Variants in ROR1 observed in about 807,000 individuals in gnomAD.
The protein encoded by ROR1 is inactive tyrosine-protein kinase transmembrane receptor ROR1.
A neutral mutation model predicts 78.8 loss-of-function variants in ROR1; 19 were observed. The observed-to-expected ratio is 0.24, with a 90% confidence interval of 0.17 to 0.35. The LOEUF is 0.35. ROR1 is among the 10% of genes least tolerant of loss of function. The pLI, the probability that ROR1 is intolerant of heterozygous loss-of-function variation, is 1.00. For synonymous variants in ROR1, 386 were observed against 433.6 expected (o/e 0.89, Z 1.36); for missense variants, 917 against 1,177.8 (o/e 0.78, Z 3.24).
chr1:64,115,487 G>A (rs1648284209), intron 4 of ROR1, among the ~76,000 whole-genome samples: 1 of 151,754 alleles, frequency 6.6e-6, no homozygotes, highest in Non-Finnish European at 1.5e-5. Context: ...TCCCACCCTA[G>A]CCTCCCAAAG....
At chr1:63,925,613 A>G (rs1284987450) in intron 1 of ROR1, among the ~76,000 whole-genome samples, 3 of 151,766 alleles carry the variant, frequency 2.0e-5, no homozygotes, top group Non-Finnish European at 4.4e-5. Flanking sequence ...TGGTTGAACT[A>G]GTTTACAGTC....
chr1:64,046,899 T>C (rs1646789339), intron 2 of ROR1, among the ~76,000 whole-genome samples: 3 of 152,232 alleles, frequency 2.0e-5, no homozygotes. Flanking sequence ...AAAACAGTGA[T>C]AATGACTTCT....
chr1:64,072,884 G>A (rs1298797827), intron 4 of ROR1, among the ~76,000 whole-genome samples: 1 of 152,186 alleles, frequency 6.6e-6, no homozygotes, highest in African/African-American at 2.4e-5. Context: ...ACACCAGCTT[G>A]TAGCAGAGAC....
chr1:64,092,367 C>CT (rs1647206618), intron 4 of ROR1, among the ~76,000 whole-genome samples: 1 of 152,122 alleles, frequency 6.6e-6, no homozygotes. Context: ...TTTGGTCTCC[C>CT]TTTTCAGTAT....
chr1:64,084,945 C>T (rs374557943), intron 4 of ROR1, among the ~76,000 whole-genome samples: 1 of 152,180 alleles, frequency 6.6e-6, no homozygotes, highest in African/African-American at 2.4e-5. Context: ...ATTTATAATA[C>T]TTTCTGATTC....
intron 4 of ROR1, among the ~76,000 whole-genome samples, chr1:64,095,692 C>A (rs1288341488): frequency 6.6e-6 from 1 of 152,078 alleles, no homozygotes; most frequent in African/African-American, 2.4e-5. Context: ...TAAAAGCTTA[C>A]CCCAAAAATA....
chr1:64,126,033 C>T lies in ROR1; in HGVS notation c.483-11336C>T, dbSNP rs190507456. ...ATACAGTGAAGGATGCTAGAGAGAA[C>T]ATATTTTCTCATGAACTAATCTGAA... On this transcript the variant is annotated intron_variant, in intron 4 of 8. Coordinates refer to ENST00000371079, the MANE Select transcript of ROR1 (RefSeq NM_005012.4). 3.9e-5 allele frequency among the ~76,000 whole-genome samples: 6 copies of T among 152,230 alleles called. No individual in the cohort carries two copies. In the East Asian group the frequency reaches 7.7e-4, roughly 20 times the overall value.
intron 2 of ROR1, 21 bp from the exon 3 acceptor site, chr1:64,049,670 G>A: frequency 6.2e-7 from 1 of 1,605,894 alleles, no homozygotes; most frequent in Non-Finnish European, 8.5e-7. Flanking sequence ...CCTCTCACCT[G>A]CCTCCTCTCT....
intron 1 of ROR1, among the ~76,000 whole-genome samples, chr1:64,004,049 A>G (rs746748387): frequency 6.6e-6 from 1 of 152,242 alleles, no homozygotes; most frequent in African/African-American, 2.4e-5. Context: ...CTGAGAATAC[A>G]TACCACATCT....
intron 1 of ROR1, among the ~76,000 whole-genome samples, chr1:63,988,984 A>G (rs1251212765): frequency 3.3e-5 from 5 of 152,146 alleles, no homozygotes; most frequent in Non-Finnish European, 7.3e-5. Flanking sequence ...TCTTTTGTGT[A>G]TATATTCCCA....
At chr1:64,015,301 C>G (rs1202595511) in intron 2 of ROR1, among the ~76,000 whole-genome samples, 1 of 152,088 alleles carries the variant, frequency 6.6e-6, no homozygotes, top group East Asian at 1.9e-4. Flanking sequence ...TATCAATTAC[C>G]TAAGGTGGTT....
chr1:63,884,333 G>A (rs1399445173), intron 1 of ROR1, among the ~76,000 whole-genome samples: 2 of 152,158 alleles, frequency 1.3e-5, no homozygotes, highest in Non-Finnish European at 2.9e-5. Context: ...GCCTGCACTT[G>A]TGGGTGTTAT....
chr1:64,103,547 A>G (rs936618318), intron 4 of ROR1, among the ~76,000 whole-genome samples: 3 of 152,132 alleles, frequency 2.0e-5, no homozygotes, highest in Non-Finnish European at 1.5e-5. Flanking sequence ...TTATCAATTA[A>G]AATTTGCCTG....
intron 7 of ROR1, among the ~76,000 whole-genome samples, chr1:64,147,469 TA>T (rs1468683082): frequency 6.6e-6 from 1 of 152,150 alleles, no homozygotes; most frequent in Non-Finnish European, 1.5e-5. Context: ...AGCCTTGACA[TA>T]TGATCAATAA....
At chr1:64,139,992 C>A in intron 5 of ROR1, 117 bp from the exon 6 acceptor site, 1 of 931,452 alleles carries the variant, frequency 1.1e-6, no homozygotes, top group Non-Finnish European at 1.6e-6. Context: ...TGGGCCTTGT[C>A]TGTTTCAGCA....
chr1:63,791,431 A>C (rs1324113999), intron 1 of ROR1, among the ~76,000 whole-genome samples: 1 of 152,130 alleles, frequency 6.6e-6, no homozygotes, highest in Non-Finnish European at 1.5e-5. Flanking sequence ...ATTAGTAATA[A>C]TGTAGGGGTT....
In ROR1 at chr1:63,788,978, G is replaced by C. The variant is rs1644708720; in HGVS notation, c.91+14470G>C. The C allele has an allele frequency of 4.5e-6, 3 of 663,086 alleles. No individual in the cohort carries two copies. In the East Asian group the frequency reaches 9.8e-5, roughly 22 times the overall value. 41.1% of individuals were successfully genotyped at this position (663,086 alleles called of 1,614,324 possible). On this transcript the variant is annotated intron_variant, in intron 1 of 8. Coordinates refer to ENST00000371079, the MANE Select transcript of ROR1 (RefSeq NM_005012.4). ...GGTGATCAATCTTCTTAGATATGCG[G>C]TATCTTCTGAGCAGCCAGCACAGAA...
intron 1 of ROR1, among the ~76,000 whole-genome samples, chr1:63,887,685 C>T (rs1259364518): frequency 2.0e-5 from 3 of 152,140 alleles, no homozygotes; most frequent in Non-Finnish European, 4.4e-5. Context: ...AAAAGGGTTA[C>T]AGTTCTTTGG....
At chr1:64,067,822 C>T (rs1456119540) in intron 4 of ROR1, among the ~76,000 whole-genome samples, 1 of 151,016 alleles carries the variant, frequency 6.6e-6, no homozygotes, top group Non-Finnish European at 1.5e-5. Flanking sequence ...AAACCATTCT[C>T]CTGCCTCAGC....
Sources: allele counts gnomAD v4.1 joint callset (sites outside exome capture counted in the v4.1 genomes callset), GRCh38; gene constraint gnomAD v4.1.1; transcripts MANE v1.5; gene names NCBI Gene and HGNC (gene_info 2026-07-23, HGNC 2026-07-21).